COTL1: variants seen among roughly 807,000 people sequenced by gnomAD.
The protein encoded by COTL1 is coactosin-like protein.
Under a neutral mutation model 16.5 loss-of-function variants are expected in COTL1, and 15 were observed. That is an observed-to-expected ratio of 0.91 (90% confidence interval 0.61 to 1.40). The LOEUF (loss-of-function observed/expected upper bound fraction) is 1.40. Ranked by LOEUF, COTL1 falls within the 40% of genes most tolerant of loss-of-function variation. The pLI, the probability that COTL1 is intolerant of heterozygous loss-of-function variation, is 0.00. For missense variants in COTL1, 220 were observed against 201.5 expected, an observed-to-expected ratio of 1.09 and a Z score of -0.56; for synonymous variants, 112 against 85.3, an observed-to-expected ratio of 1.31 and a Z score of -1.73.
chr16:84,603,035 C>A (rs1905132671), intron 2 of COTL1, among the ~76,000 whole-genome samples: 1 of 152,176 alleles, frequency 6.6e-6, no homozygotes, highest in Non-Finnish European at 1.5e-5. Flanking sequence ...AGCCTGGAGA[C>A]CAGGGTTCAG....
At chr16:84,603,974 C>T (rs1309981418) in intron 2 of COTL1, among the ~76,000 whole-genome samples, 1 of 144,764 alleles carries the variant, frequency 6.9e-6, no homozygotes, top group Non-Finnish European at 1.5e-5. Flanking sequence ...CCGCCACTCC[C>T]CACCCACCTC....
At chr16:84,605,167 C>T (rs982249642) in intron 2 of COTL1, among the ~76,000 whole-genome samples, 12 of 152,240 alleles carry the variant, frequency 7.9e-5, no homozygotes, top group African/African-American at 1.2e-4. Context: ...TAGGTCTGCC[C>T]CACGGTGTTC....
chr16:84,602,850 C>CA (rs1443643008), intron 2 of COTL1, among the ~76,000 whole-genome samples: 4,156 of 124,020 alleles, frequency 0.034, 177 homozygotes, highest in African/African-American at 0.11. Flanking sequence ...GACTTCATCT[C>CA]AAAAAAAAAA....
At chr16:84,605,532 G>A (rs921972654) in intron 2 of COTL1, among the ~76,000 whole-genome samples, 2 of 152,326 alleles carry the variant, frequency 1.3e-5, no homozygotes, top group African/African-American at 4.8e-5. Flanking sequence ...GGGTTATCTG[G>A]GTGACACCCA....
At chr16:84,576,978 A>C (rs1005410958) in intron 3 of COTL1, 3 of 152,240 alleles carry the variant, frequency 2.0e-5, no homozygotes, top group African/African-American at 7.2e-5. Context: ...CAATAAACCA[A>C]AGACTCTGAA....
At chr16:84,576,615 T>C (rs1904459079) in intron 3 of COTL1, 1 of 152,158 alleles carries the variant, frequency 6.6e-6, no homozygotes, top group South Asian at 2.1e-4. Context: ...GGCCCTGGTT[T>C]CCACCTCTGT....
At chr16:84,589,480 C>T (rs1436369148) in intron 3 of COTL1, among the ~76,000 whole-genome samples, 2 of 152,148 alleles carry the variant, frequency 1.3e-5, no homozygotes, top group African/African-American at 4.8e-5. Context: ...TTCCCTACTT[C>T]ATGGGTTGTG....
chr16:84,590,299 T>A lies in COTL1; in HGVS notation c.161-37A>T. 2 of 1,603,874 alleles carry A rather than the reference T, an allele frequency of 1.2e-6. No homozygotes were observed. The highest frequency in any genetic ancestry group is 1.7e-6 in the Non-Finnish European group (2 of 1,172,490). ...AGCGAAAAGAGAACATGGTGCTGCG[T>A]TAAAACACCCCCATGTCATGTCCCT... On this transcript the variant is annotated intron_variant, in intron 2 of 3. Transcript: ENST00000262428. This position sits in a 1 kb window ranked among gnomAD's most constrained non-coding sequence, Gnocchi z 5.5.
chr16:84,596,542 T>A (rs1164986437), intron 2 of COTL1: 1 of 152,290 alleles, frequency 6.6e-6, no homozygotes, highest in Non-Finnish European at 1.5e-5. Context: ...GGCCTCCTAA[T>A]TGCCAAAGCC....
intron 2 of COTL1, among the ~76,000 whole-genome samples, chr16:84,604,196 T>C (rs1597183279): frequency 4.6e-5 from 1 of 21,730 alleles, no homozygotes; most frequent in Non-Finnish European, 8.5e-5. Context: ...ACCCCTGCGC[T>C]CCCCATCCAC....
In COTL1 at chr16:84,566,658, A is replaced by C; in HGVS notation, c.*187T>G. On this transcript the variant is annotated 3_prime_UTR_variant, in exon 4 of 4. Transcript: ENST00000262428. The stretch of plus-strand genomic sequence containing the variant: ...AAAGAGGTTCCATGAGCGTCATGAG[A>C]TAGGACACGGCAGGGTTCTAAGGGA... 1.8e-6 allele frequency: 1 copy of C among 547,260 alleles called. No homozygotes were observed. Among genetic ancestry groups the C allele is most frequent in the Non-Finnish European group, 3.2e-6 (1 of 307,758 alleles). 33.9% of individuals were successfully genotyped at this position (547,260 alleles called of 1,614,324 possible).
chr16:84,613,550 A>G (rs1905388914), intron 2 of COTL1, among the ~76,000 whole-genome samples: 1 of 152,192 alleles, frequency 6.6e-6, no homozygotes, highest in South Asian at 2.1e-4. Flanking sequence ...AGCCAAGCAG[A>G]CAGCATGAGT....
In COTL1 at chr16:84,590,398, A is replaced by G; in HGVS notation, c.161-136T>C. 5.2e-6 allele frequency: 5 copies of G among 956,538 alleles called. No homozygotes were observed. The highest frequency in any genetic ancestry group is 6.2e-6 in the Non-Finnish European group (4 of 648,058). The allele number at this position is 956,538 out of a possible 1,614,324, so 59.3% of individuals were successfully genotyped here. A position where few individuals can be genotyped will look rare whatever the true frequency, so the allele number is the denominator to read the frequency against. On this transcript the variant is annotated intron_variant, in intron 2 of 3. Coordinates refer to ENST00000262428, the MANE Select transcript of COTL1 (RefSeq NM_021149.5). This position sits in a 1 kb window ranked among gnomAD's most constrained non-coding sequence, Gnocchi z 5.5. ...ACCGGTGCAGTTCCCTGGGAGCACCATGTGCAGAGGACAGGAGGGAAGCAC... is the reference window on the plus strand; with the variant it reads ...ACCGGTGCAGTTCCCTGGGAGCACCGTGTGCAGAGGACAGGAGGGAAGCAC...
In COTL1 at chr16:84,617,786, G is replaced by A. The variant is rs920796353; in HGVS notation, c.77+52C>T. ...CCTGGAGGCCGGCTCGGTGCACGAGGCCCCGCGCGAGCCCGGGGAGCGGGG... is the reference window on the plus strand; with the variant it reads ...CCTGGAGGCCGGCTCGGTGCACGAGACCCCGCGCGAGCCCGGGGAGCGGGG... On this transcript the variant is annotated intron_variant, in intron 1 of 3. Transcript: ENST00000262428. 18 of 1,509,582 alleles carry A rather than the reference G, an allele frequency of 1.2e-5. No individual in the cohort carries two copies. The African/African-American group carries it at 2.5e-4, about 21-fold the overall frequency. 93.5% of individuals were successfully genotyped at this position (1,509,582 alleles called of 1,614,324 possible). A position where few individuals can be genotyped will look rare whatever the true frequency, so the allele number is the denominator to read the frequency against.
chr16:84,609,964 C>G (rs1195838172), intron 2 of COTL1, among the ~76,000 whole-genome samples: 1 of 152,246 alleles, frequency 6.6e-6, no homozygotes, highest in Non-Finnish European at 1.5e-5. Flanking sequence ...GAGACTAACA[C>G]ACTATCCCTG....
chr16:84,603,069 C>G (rs755798952), intron 2 of COTL1, among the ~76,000 whole-genome samples: 2 of 152,146 alleles, frequency 1.3e-5, no homozygotes, highest in African/African-American at 2.4e-5. Flanking sequence ...CCCTTTCCTC[C>G]CATGTAACAA....
rs1310197369 is a variant in COTL1 at position 84,617,534 on chromosome 16, C to A, written c.127G>T (p.Ala43Ser). The part of the protein sequence containing the change: ...GSTIVPGEQG[A>S]EYQHFIQQCT... ...TGCTGGATGAAGTGCTGGTACTCCG[C>A]TCCCTGCTCGCCGGGGACGATGGTG... Residue 43 changes from alanine to serine, a missense_variant, in exon 2 of 4, where the codon GCG becomes TCG. Physicochemically the swap from Ala to Ser is moderately conservative, Grantham distance 99. Coordinates refer to ENST00000262428, the MANE Select transcript of COTL1 (RefSeq NM_021149.5). The A allele has an allele frequency of 6.4e-7, 1 of 1,557,460 alleles. No individual in the cohort carries two copies. Among genetic ancestry groups the A allele is most frequent in the Non-Finnish European group, 8.7e-7 (1 of 1,150,000 alleles).
intron 3 of COTL1, among the ~76,000 whole-genome samples, chr16:84,569,968 G>T (rs1460082174): frequency 6.6e-6 from 1 of 152,180 alleles, no homozygotes; most frequent in Non-Finnish European, 1.5e-5. Context: ...GCTATTAGAA[G>T]ATTTAGATTA....
At chr16:84,573,286 G>C (rs895625986) in intron 3 of COTL1, among the ~76,000 whole-genome samples, 1 of 152,262 alleles carries the variant, frequency 6.6e-6, no homozygotes, top group Non-Finnish European at 1.5e-5. Context: ...GGCTGGGTGC[G>C]CTTTCAGGCG....
Sources: allele counts gnomAD v4.1 joint callset (sites outside exome capture counted in the v4.1 genomes callset), GRCh38; gene constraint gnomAD v4.1.1; non-coding constraint Gnocchi (gnomAD v3.1); transcripts MANE v1.5; gene names NCBI Gene and HGNC (gene_info 2026-07-23, HGNC 2026-07-21).